Variants in DZIP3 observed in about 807,000 individuals in gnomAD.
The protein encoded by DZIP3 is E3 ubiquitin-protein ligase DZIP3.
In DZIP3, 118 loss-of-function variants were observed where a neutral mutation model predicts 162.0. That is an observed-to-expected ratio of 0.73 (90% confidence interval 0.63 to 0.85). The LOEUF (loss-of-function observed/expected upper bound fraction) is 0.85. Among genes scored for constraint, DZIP3 ranks in the 40% least tolerant of loss-of-function variants. The probability of loss-of-function intolerance (pLI) is 0.00; values close to 1 mark genes in which losing one functional copy is unlikely to be tolerated. For missense variants in DZIP3, 1,331 were observed against 1,407.0 expected (o/e 0.95, Z 0.86); for synonymous variants, 438 against 458.6 (o/e 0.96, Z 0.57).
At chr3:108,596,369 A>C (rs1939714543) in intron 1 of DZIP3, among the ~76,000 whole-genome samples, 1 of 152,244 alleles carries the variant, frequency 6.6e-6, no homozygotes, top group African/African-American at 2.4e-5. Context: ...AGGAGCGGTC[A>C]GGGTTGGAGA....
chr3:108,606,891 T>G (rs1299063944), intron 2 of DZIP3, among the ~76,000 whole-genome samples: 1 of 152,162 alleles, frequency 6.6e-6, no homozygotes, highest in Non-Finnish European at 1.5e-5. Flanking sequence ...GATTTTAATA[T>G]GTATCTGGGA....
chr3:108,606,183 G>A (rs530936765), intron 2 of DZIP3, among the ~76,000 whole-genome samples: 2 of 152,272 alleles, frequency 1.3e-5, no homozygotes, highest in South Asian at 4.1e-4. Flanking sequence ...ATTTTCTAAA[G>A]GGTAATTTAA....
In DZIP3 at chr3:108,669,747, A is replaced by G. The variant is rs371867089; in HGVS notation, c.2490A>G (p.Lys830=). The part of the protein sequence containing the change: ...IKNLKEQLSM[K]RSQWEMEKHN... ...ACCTTAAAGAGCAACTTTCTATGAA[A>G]AGGTACAAACTTAGCTTTTTCTTTG... The change falls in exon 22 of 33, where the codon AAA becomes AAG. Residue 830 remains lysine (K), a splice_region_variant and synonymous_variant. Transcript: ENST00000361582. 25 of 1,609,780 alleles carry G rather than the reference A, an allele frequency of 1.6e-5. No individual in the cohort carries two copies. Among genetic ancestry groups the G allele is most frequent in the Non-Finnish European group, 1.9e-5 (22 of 1,177,300 alleles).
intron 7 of DZIP3, among the ~76,000 whole-genome samples, chr3:108,626,397 A>G (rs932530381): frequency 6.6e-6 from 1 of 152,208 alleles, no homozygotes; most frequent in Admixed American, 6.5e-5. Flanking sequence ...TAAATAAATT[A>G]TGGTTGGAGT....
intron 1 of DZIP3, among the ~76,000 whole-genome samples, chr3:108,596,631 A>G (rs1189746717): frequency 6.6e-6 from 1 of 151,846 alleles, no homozygotes; most frequent in Non-Finnish European, 1.5e-5. Flanking sequence ...AGGTTGGCCA[A>G]GAAGGCTGTT....
At chr3:108,620,148 T>C (rs1419967236) in intron 5 of DZIP3, among the ~76,000 whole-genome samples, 1 of 152,168 alleles carries the variant, frequency 6.6e-6, no homozygotes, top group Non-Finnish European at 1.5e-5. Flanking sequence ...CATGAGAAGC[T>C]ACACAGCATA....
intron 11 of DZIP3, 128 bp downstream of exon 11, chr3:108,636,836 A>G: frequency 1.6e-6 from 1 of 638,588 alleles, no homozygotes; most frequent in South Asian, 2.0e-5. Context: ...ATGGTGACTG[A>G]GCTCTTGAAC....
In DZIP3 at chr3:108,675,922, G is replaced by A. The variant is rs756543709; in HGVS notation, c.2781+49G>A. 3.3e-6 allele frequency: 5 copies of A among 1,518,112 alleles called. No individual in the cohort carries two copies. The Admixed American group carries it at 5.5e-5, about 17-fold the overall frequency. 94.0% of individuals were successfully genotyped at this position (1,518,112 alleles called of 1,614,324 possible). On this transcript the variant is annotated intron_variant, in intron 25 of 32. Transcript: ENST00000361582. ...GAAAATTGGCTTAATGTTATAGGTGGTGTAAAGTTAGAAGACATATTAGTA... is the reference window on the plus strand; with the variant it reads ...GAAAATTGGCTTAATGTTATAGGTGATGTAAAGTTAGAAGACATATTAGTA...
At chr3:108,670,721 A>T (rs1028414719) in intron 22 of DZIP3, among the ~76,000 whole-genome samples, 1 of 151,902 alleles carries the variant, frequency 6.6e-6, no homozygotes, top group Non-Finnish European at 1.5e-5. Context: ...AAGTAGCTGC[A>T]CCATTTTATA....
intron 1 of DZIP3, among the ~76,000 whole-genome samples, chr3:108,590,291 T>C (rs1939314602): frequency 1.3e-5 from 2 of 152,228 alleles, no homozygotes; most frequent in South Asian, 4.1e-4. Context: ...AATAAAGCTT[T>C]AAAAACCAGG....
intron 19 of DZIP3, among the ~76,000 whole-genome samples, chr3:108,657,939 ACTAT>A (rs959424052): frequency 3.5e-4 from 53 of 152,348 alleles, no homozygotes; most frequent in African/African-American, 1.2e-3. Context: ...AGAAGAGCTA[ACTAT>A]CCTAAATATA....
chr3:108,688,053 T>G lies in DZIP3; in HGVS notation c.3227T>G (p.Ile1076Ser). Residue 1076 changes from isoleucine (I) to serine (S), a missense_variant, in exon 29 of 33, where the codon ATT becomes AGT. Physicochemically the swap from Ile to Ser is moderately radical, Grantham distance 142. Coordinates refer to ENST00000361582, the MANE Select transcript of DZIP3 (RefSeq NM_014648.4). ...TTGTCTGAACTGACATTTGATGAAA[T>G]TGTTTGCAAGATTTCCCAGTTTATT... ...KSLSELTFDE[I>S]VCKISQFIDP... The G allele has an allele frequency of 6.2e-7, 1 of 1,613,710 alleles. No homozygotes were observed. The highest frequency in any genetic ancestry group is 8.5e-7 in the Non-Finnish European group (1 of 1,179,790).
chr3:108,687,845 G>T, intron 28 of DZIP3, 131 bp from the exon 29 acceptor site: 1 of 1,179,878 alleles, frequency 8.5e-7, no homozygotes. Flanking sequence ...TTAGATCAAA[G>T]ACCTAAAGAG....
At chr3:108,655,172 C>T (rs533271632) in intron 19 of DZIP3, among the ~76,000 whole-genome samples, 159 of 152,158 alleles carry the variant, frequency 1.0e-3, no homozygotes, top group African/African-American at 3.5e-3. Context: ...ATGACACATA[C>T]CTTTAAAAAA....
chr3:108,616,134 G>A (rs1441657079), intron 4 of DZIP3, among the ~76,000 whole-genome samples: 1 of 152,012 alleles, frequency 6.6e-6, no homozygotes, highest in Non-Finnish European at 1.5e-5. Context: ...TGTGGTGGTG[G>A]GTGTCTGTAG....
chr3:108,615,279 G>A (rs993765481), intron 4 of DZIP3, among the ~76,000 whole-genome samples: 1 of 152,142 alleles, frequency 6.6e-6, no homozygotes, highest in African/African-American at 2.4e-5. Flanking sequence ...TATTCTCATT[G>A]GGAGACTGAT....
intron 2 of DZIP3, among the ~76,000 whole-genome samples, chr3:108,606,021 C>G (rs1940345343): frequency 1.3e-5 from 2 of 152,138 alleles, no homozygotes; most frequent in Admixed American, 1.3e-4. Context: ...TGTGCCATAC[C>G]TTATTGTTCA....
chr3:108,660,994 G>A (rs1181530751), intron 19 of DZIP3, among the ~76,000 whole-genome samples: 1 of 152,204 alleles, frequency 6.6e-6, no homozygotes, highest in African/African-American at 2.4e-5. Context: ...AACAGGTGCT[G>A]GAGAGGATAT....
At position 108,688,721 on chromosome 3, in the gene DZIP3, A is replaced by G. The variant is rs769854862; in HGVS notation, c.3399A>G (p.Glu1133=). 5.6e-6 allele frequency: 9 copies of G among 1,613,958 alleles called. No individual in the cohort carries two copies. In the African/African-American group the frequency reaches 1.1e-4, roughly 19 times the overall value. ...CTTCACAGGGTCCTGCCACATGGGA[A>G]GGAGCCAGTAATCCAGTGAGACTGA... ...PLTSQGPATW[E]GASNPDEEEE... is the part of the protein sequence containing the mutation. Residue 1133 remains glutamate, a synonymous_variant, in exon 30 of 33, where the codon GAA becomes GAG. Transcript: ENST00000361582.
Sources: allele counts gnomAD v4.1 joint callset (sites outside exome capture counted in the v4.1 genomes callset), GRCh38; gene constraint gnomAD v4.1.1; transcripts MANE v1.5; gene names NCBI Gene and HGNC (gene_info 2026-07-23, HGNC 2026-07-21).